WNT3: variants seen among roughly 807,000 people sequenced by gnomAD.
The protein encoded by WNT3 is proto-oncogene Wnt-3.
A neutral mutation model predicts 34.2 loss-of-function variants in WNT3; 7 were observed. The ratio of observed to expected loss-of-function variants is 0.20; its 90% CI spans 0.12 to 0.38. WNT3 has a LOEUF of 0.38. Among genes scored for constraint, WNT3 ranks in the 10% least tolerant of loss-of-function variants. The pLI, the probability that WNT3 is intolerant of heterozygous loss-of-function variation, is 1.00. For missense variants in WNT3, 267 were observed against 499.8 expected (o/e 0.53, Z 4.44); for synonymous variants, 212 against 211.5 (o/e 1.00, Z -0.02).
chr17:46,798,412 T>A (rs2084081694), intron 1 of WNT3, among the ~76,000 whole-genome samples: 1 of 152,196 alleles, frequency 6.6e-6, no homozygotes, highest in African/African-American at 2.4e-5. Context: ...CTAATATATA[T>A]GATTGTTCTC....
At chr17:46,799,255 T>G (rs1459137052) in intron 1 of WNT3, among the ~76,000 whole-genome samples, 4 of 152,186 alleles carry the variant, frequency 2.6e-5, no homozygotes, top group South Asian at 2.1e-4. Flanking sequence ...ATAGGCTTAT[T>G]GGTTGGGACA....
chr17:46,783,497 G>A (rs2059479183), intron 1 of WNT3, among the ~76,000 whole-genome samples: 1 of 152,236 alleles, frequency 6.6e-6, no homozygotes, highest in Non-Finnish European at 1.5e-5. Context: ...CAGCCCAGGA[G>A]GCTGCTGTCA....
At chr17:46,766,237 G>A (rs1224074672) in intron 4 of WNT3, among the ~76,000 whole-genome samples, 6 of 152,002 alleles carry the variant, frequency 3.9e-5, no homozygotes, top group South Asian at 2.1e-4. Flanking sequence ...GGCGAAACCC[G>A]TCTCTACTAA....
intron 2 of WNT3, 101 bp from the exon 3 acceptor site, chr17:46,770,149 A>G (rs1413221778): frequency 1.2e-4 from 176 of 1,412,862 alleles, no homozygotes; most frequent in Non-Finnish European, 5.6e-6. Flanking sequence ...CGAGGCCAGG[A>G]AGAGTTGAAG....
At chr17:46,780,288 C>T (rs1421036129) in intron 1 of WNT3, among the ~76,000 whole-genome samples, 1 of 152,218 alleles carries the variant, frequency 6.6e-6, no homozygotes, top group Admixed American at 6.5e-5. Flanking sequence ...CACTGTGCTG[C>T]CAGCACCCAC....
chr17:46,793,031 G>A (rs1021977549), intron 1 of WNT3, among the ~76,000 whole-genome samples: 15 of 151,732 alleles, frequency 9.9e-5, no homozygotes, highest in African/African-American at 2.9e-4. Flanking sequence ...TTGAAAGGCC[G>A]AGGCGGGAGG....
At chr17:46,816,468 A>AACACACAC (rs879498852) in intron 1 of WNT3, among the ~76,000 whole-genome samples, 2 of 96,434 alleles carry the variant, frequency 2.1e-5, no homozygotes, top group East Asian at 8.1e-4. Flanking sequence ...ATAGACCCAG[A>AACACACAC]ACACACGCAC....
intron 1 of WNT3, among the ~76,000 whole-genome samples, chr17:46,803,612 C>T (rs2084154761): frequency 6.6e-6 from 1 of 152,224 alleles, no homozygotes; most frequent in South Asian, 2.1e-4. Context: ...GGCTAGGTTA[C>T]CTGATAAAGT....
intron 1 of WNT3, among the ~76,000 whole-genome samples, chr17:46,786,601 CT>C (rs1220122666): frequency 6.6e-6 from 1 of 152,268 alleles, no homozygotes; most frequent in African/African-American, 2.4e-5. Context: ...CGTTTCTCCA[CT>C]TTGCTGCGCA....
chr17:46,817,885 G>C (rs945879832), intron 1 of WNT3, among the ~76,000 whole-genome samples: 1 of 152,074 alleles, frequency 6.6e-6, no homozygotes, highest in Non-Finnish European at 1.5e-5. Context: ...AATAAAATCC[G>C]AATTCAATGG....
intron 4 of WNT3, among the ~76,000 whole-genome samples, chr17:46,765,121 G>T (rs2059301619): frequency 6.6e-6 from 1 of 152,262 alleles, no homozygotes; most frequent in South Asian, 2.1e-4. Context: ...TTACTCATTT[G>T]CATAGTCATA....
chr17:46,793,149 C>T (rs1724513447), intron 1 of WNT3, among the ~76,000 whole-genome samples: 2 of 151,168 alleles, frequency 1.3e-5, no homozygotes. Context: ...TGGTGACCAC[C>T]TGTAGTCCCA....
intron 2 of WNT3, among the ~76,000 whole-genome samples, chr17:46,773,059 A>G: frequency 6.6e-6 from 1 of 152,102 alleles, no homozygotes; most frequent in East Asian, 1.9e-4. Context: ...CTGCAGGTTC[A>G]AAGTCAAATC....
At chr17:46,804,591 T>C (rs1208862283) in intron 1 of WNT3, among the ~76,000 whole-genome samples, 5 of 152,036 alleles carry the variant, frequency 3.3e-5, no homozygotes, top group Non-Finnish European at 1.5e-5. Context: ...TTGCAGGAAG[T>C]TGTAGAAAAG....
chr17:46,791,320 TCTC>T (rs2083983830), intron 1 of WNT3, among the ~76,000 whole-genome samples: 2 of 152,002 alleles, frequency 1.3e-5, no homozygotes, highest in African/African-American at 4.8e-5. Context: ...TTCAAGCGAT[TCTC>T]CTCCTGAGTA....
intron 1 of WNT3, among the ~76,000 whole-genome samples, chr17:46,815,820 T>C (rs1426074381): frequency 6.6e-6 from 1 of 152,192 alleles, no homozygotes; most frequent in African/African-American, 2.4e-5. Flanking sequence ...TTTTGCTTCC[T>C]GTTGGACCTT....
intron 1 of WNT3, among the ~76,000 whole-genome samples, chr17:46,786,263 G>A (rs2059505762): frequency 6.6e-6 from 1 of 152,156 alleles, no homozygotes; most frequent in Non-Finnish European, 1.5e-5. Flanking sequence ...GGTGGAAGAA[G>A]GAGGAGGACA....
At chr17:46,769,612 G>A (rs2146374112) in intron 3 of WNT3, among the ~76,000 whole-genome samples, 171 bp downstream of exon 3, 1 of 152,262 alleles carries the variant, frequency 6.6e-6, no homozygotes, top group Admixed American at 6.5e-5. Flanking sequence ...AGGAAGGAGG[G>A]TGGACAGACG....
At chr17:46,784,776 T>G (rs1019540858) in intron 1 of WNT3, among the ~76,000 whole-genome samples, 4 of 91,606 alleles carry the variant, frequency 4.4e-5, no homozygotes, top group Non-Finnish European at 8.6e-5. Context: ...TTTTTGCTTT[T>G]CTTTTTTTTT....
Sources: allele counts gnomAD v4.1 joint callset (sites outside exome capture counted in the v4.1 genomes callset), GRCh38; gene constraint gnomAD v4.1.1; transcripts MANE v1.5; gene names NCBI Gene and HGNC (gene_info 2026-07-23, HGNC 2026-07-21).